Variants in ATRNL1 observed in about 807,000 individuals in gnomAD.
The protein encoded by ATRNL1 is attractin like 1.
In ATRNL1, 95 loss-of-function variants were observed where a neutral mutation model predicts 182.7. The observed-to-expected ratio is 0.52, with a 90% CI of 0.44 to 0.62. The LOEUF (loss-of-function observed/expected upper bound fraction) is 0.62. Ranked by LOEUF, ATRNL1 falls within the 20% of genes least tolerant of loss-of-function variation. The probability of loss-of-function intolerance (pLI) is 0.00; values close to 1 mark genes in which losing one functional copy is unlikely to be tolerated. For synonymous variants in ATRNL1, 576 were observed against 568.3 expected (o/e 1.01, Z -0.19); for missense variants, 1,471 against 1,679.5 (o/e 0.88, Z 2.17).
intron 21 of ATRNL1, among the ~76,000 whole-genome samples, chr10:115,456,280 T>C (rs1847519167): frequency 6.6e-6 from 1 of 152,192 alleles, no homozygotes; most frequent in Non-Finnish European, 1.5e-5. Context: ...GTGGCACATA[T>C]ACACCATGGA....
intron 27 of ATRNL1, among the ~76,000 whole-genome samples, chr10:115,842,271 G>T (rs556126392): frequency 6.6e-6 from 1 of 152,032 alleles, no homozygotes; most frequent in South Asian, 2.1e-4. Context: ...GGCATGCGAT[G>T]GTGGCCATTT....
chr10:115,201,544 T>TA (rs1236189166), intron 8 of ATRNL1, among the ~76,000 whole-genome samples: 2 of 152,168 alleles, frequency 1.3e-5, no homozygotes, highest in Non-Finnish European at 2.9e-5. Context: ...TAGTTGTAGA[T>TA]ATGCGGCGTT....
At chr10:115,138,695 A>G (rs555315244) in intron 5 of ATRNL1, among the ~76,000 whole-genome samples, 1 of 152,272 alleles carries the variant, frequency 6.6e-6, no homozygotes, top group East Asian at 1.9e-4. Flanking sequence ...TCTTTTCCTC[A>G]TAGGCCTCTG....
intron 8 of ATRNL1, among the ~76,000 whole-genome samples, chr10:115,177,192 G>C (rs1312981917): frequency 6.6e-6 from 1 of 152,178 alleles, no homozygotes; most frequent in Non-Finnish European, 1.5e-5. Flanking sequence ...CATTACTAAG[G>C]ATTGATCATT....
intron 27 of ATRNL1, among the ~76,000 whole-genome samples, chr10:115,743,168 G>A (rs1208310710): frequency 4.8e-5 from 7 of 146,970 alleles, no homozygotes; most frequent in African/African-American, 1.5e-4. Flanking sequence ...GGGGATTACG[G>A]GAACTACAAT....
intron 26 of ATRNL1, among the ~76,000 whole-genome samples, chr10:115,588,850 A>T (rs1592906640): frequency 6.6e-6 from 1 of 152,246 alleles, no homozygotes; most frequent in Admixed American, 6.5e-5. Flanking sequence ...CTATTCTTCC[A>T]TCTTGCAGAT....
At chr10:115,435,056 A>C (rs1407052696) in intron 21 of ATRNL1, among the ~76,000 whole-genome samples, 1 of 111,644 alleles carries the variant, frequency 9.0e-6, no homozygotes. Context: ...TTTGTGACGG[A>C]GTCTTGCTCT....
chr10:115,235,933 A>C (rs1850159354), intron 9 of ATRNL1, among the ~76,000 whole-genome samples: 1 of 152,052 alleles, frequency 6.6e-6, no homozygotes, highest in African/African-American at 2.4e-5. Flanking sequence ...ATATTTCATT[A>C]TTCCTTCTTA....
At chr10:115,296,841 T>C (rs1853219257) in intron 15 of ATRNL1, among the ~76,000 whole-genome samples, 1 of 152,242 alleles carries the variant, frequency 6.6e-6, no homozygotes, top group Admixed American at 6.5e-5. Context: ...TTTATTACTT[T>C]CAGTGTACTT....
At chr10:115,151,807 G>A (rs1430504907) in intron 5 of ATRNL1, among the ~76,000 whole-genome samples, 1 of 152,162 alleles carries the variant, frequency 6.6e-6, no homozygotes, top group African/African-American at 2.4e-5. Context: ...GTCCTGAATG[G>A]TATTGCCTAG....
intron 27 of ATRNL1, among the ~76,000 whole-genome samples, chr10:115,753,782 A>G (rs1350123022): frequency 2.0e-5 from 3 of 152,018 alleles, no homozygotes; most frequent in Non-Finnish European, 2.9e-5. Context: ...ACTAATTTAC[A>G]CTCCCACCAA....
intron 20 of ATRNL1, among the ~76,000 whole-genome samples, 163 bp from the exon 21 acceptor site, chr10:115,426,087 A>G (rs1337907162): frequency 6.6e-6 from 1 of 152,002 alleles, no homozygotes; most frequent in Non-Finnish European, 1.5e-5. Context: ...AATTAATTCA[A>G]ATTTCAAACA....
intron 20 of ATRNL1, among the ~76,000 whole-genome samples, chr10:115,413,670 C>T (rs1554960314): frequency 6.6e-6 from 1 of 152,118 alleles, no homozygotes; most frequent in African/African-American, 2.4e-5. Flanking sequence ...TTATGTGACA[C>T]ACCTATCATT....
intron 9 of ATRNL1, among the ~76,000 whole-genome samples, chr10:115,234,891 A>G (rs1472027235): frequency 2.0e-5 from 3 of 152,120 alleles, no homozygotes; most frequent in Non-Finnish European, 4.4e-5. Flanking sequence ...TGATTTCTTA[A>G]TAAGTTTTCA....
intron 27 of ATRNL1, among the ~76,000 whole-genome samples, chr10:115,749,991 G>GT (rs35295743): frequency 0.95 from 144,309 of 151,914 alleles, 68,964 homozygotes; most frequent in East Asian, 1. Context: ...CTCAACATTT[G>GT]TATCTAAACA....
At chr10:115,931,218 G>A (rs1241396060) in intron 28 of ATRNL1, among the ~76,000 whole-genome samples, 1 of 152,086 alleles carries the variant, frequency 6.6e-6, no homozygotes, top group East Asian at 1.9e-4. Context: ...TCCAATTTTA[G>A]TAATCCCAAA....
chr10:115,173,116 G>A (rs1407609511), intron 8 of ATRNL1, among the ~76,000 whole-genome samples: 7 of 151,862 alleles, frequency 4.6e-5, no homozygotes, highest in Non-Finnish European at 8.8e-5. Context: ...CACGTTGGAG[G>A]GTGATGGTTA....
chr10:115,865,192 A>G (rs1246915682), intron 28 of ATRNL1, among the ~76,000 whole-genome samples: 1 of 152,154 alleles, frequency 6.6e-6, no homozygotes, highest in Admixed American at 6.5e-5. Context: ...AAACTGGTAA[A>G]ATTCAAATAG....
intron 24 of ATRNL1, among the ~76,000 whole-genome samples, chr10:115,488,615 C>G (rs1849144605): frequency 6.6e-6 from 1 of 151,770 alleles, no homozygotes; most frequent in African/African-American, 2.4e-5. Context: ...TCTCTCTTTT[C>G]TTCTTCTTAG....
Sources: gnomAD v4.1 joint callset for allele counts (sites outside exome capture counted in the v4.1 genomes callset) on GRCh38, gnomAD v4.1.1 for gene constraint, MANE v1.5 for transcripts, NCBI Gene and HGNC (gene_info 2026-07-23, HGNC 2026-07-21) for gene names.